The following UXS1 variants were observed in gnomAD, a reference collection of about 807,000 sequenced individuals.
UXS1 encodes the protein UDP-glucuronic acid decarboxylase 1.
A neutral mutation model predicts 62.6 loss-of-function variants in UXS1; 33 were observed. That is an observed-to-expected ratio of 0.53 (90% CI 0.40 to 0.70). The LOEUF (loss-of-function observed/expected upper bound fraction) is 0.70, where lower values mean the gene tolerates loss of function less well. Ranked by LOEUF, UXS1 falls within the 30% of genes least tolerant of loss-of-function variation. UXS1 has a pLI of 0.00. For missense variants in UXS1, 434 were observed against 556.3 expected (o/e 0.78, Z 2.21); for synonymous variants, 213 against 206.8 (o/e 1.03, Z -0.26).
chr2:106,190,866 T>A (rs1376038807), intron 1 of UXS1, among the ~76,000 whole-genome samples: 1 of 150,402 alleles, frequency 6.6e-6, no homozygotes, highest in Non-Finnish European at 1.5e-5. Flanking sequence ...TAAAAAAAAA[T>A]ACGTTAAAGG....
intron 6 of UXS1, among the ~76,000 whole-genome samples, chr2:106,144,263 T>C (rs778931255): frequency 2.8e-4 from 43 of 152,280 alleles, no homozygotes; most frequent in Admixed American, 4.6e-4. Flanking sequence ...ACAGATTACA[T>C]AATTAAACGT....
intron 5 of UXS1, among the ~76,000 whole-genome samples, chr2:106,156,019 T>G (rs967020902): frequency 6.6e-6 from 1 of 151,968 alleles, no homozygotes; most frequent in African/African-American, 2.4e-5. Context: ...GACATCCAAG[T>G]ACAAGCAGCA....
At chr2:106,167,668 G>T (rs1683293164) in intron 1 of UXS1, among the ~76,000 whole-genome samples, 1 of 152,020 alleles carries the variant, frequency 6.6e-6, no homozygotes, top group South Asian at 2.1e-4. Flanking sequence ...GCAGGGAAAT[G>T]GGAGAAATTA....
rs553747842 is a variant in UXS1, at chr2:106,120,712, T to C, written c.759+2258A>G. 2.0e-5 allele frequency among the ~76,000 whole-genome samples: 3 copies of C among 152,310 alleles called. No homozygotes were observed. The South Asian group carries it at 6.2e-4, about 32-fold the overall frequency. On this transcript the variant is annotated intron_variant, in intron 9 of 14. Transcript: ENST00000283148. The stretch of plus-strand genomic sequence containing the variant: ...GAAAGCAGCAAGCGTGGTTCCCACA[T>C]GAAGAACCCACGACACCCCTGTGTG...
chr2:106,130,700 C>T (rs1202826950), intron 6 of UXS1, among the ~76,000 whole-genome samples: 1 of 152,124 alleles, frequency 6.6e-6, no homozygotes, highest in Non-Finnish European at 1.5e-5. Flanking sequence ...TTCCCAGTGC[C>T]GGGAATGGAA....
At chr2:106,118,296 G>A (rs1420640087) in intron 9 of UXS1, among the ~76,000 whole-genome samples, 1 of 152,034 alleles carries the variant, frequency 6.6e-6, no homozygotes, top group African/African-American at 2.4e-5. Context: ...TTTGATGCCA[G>A]GAACTAAAAC....
chr2:106,127,579 C>T (rs770205211), intron 7 of UXS1, among the ~76,000 whole-genome samples: 14 of 152,120 alleles, frequency 9.2e-5, no homozygotes, highest in Non-Finnish European at 1.2e-4. Context: ...CTGGGGGTTA[C>T]GAAAAACTTT....
chr2:106,152,643 G>A (rs1339199360), intron 5 of UXS1, among the ~76,000 whole-genome samples: 2 of 152,062 alleles, frequency 1.3e-5, no homozygotes, highest in Non-Finnish European at 1.5e-5. Flanking sequence ...ATAAAATTAA[G>A]TAAGAACAGC....
At chr2:106,175,952 A>C (rs941734471) in intron 1 of UXS1, among the ~76,000 whole-genome samples, 1 of 152,178 alleles carries the variant, frequency 6.6e-6, no homozygotes, top group Non-Finnish European at 1.5e-5. Context: ...CACCACCTTT[A>C]ATCTATTGAT....
At chr2:106,177,270 A>G (rs931916863) in intron 1 of UXS1, among the ~76,000 whole-genome samples, 8 of 134,104 alleles carry the variant, frequency 6.0e-5, no homozygotes, top group Admixed American at 9.0e-5. Flanking sequence ...ATCTTGGCTC[A>G]CTGTAACCTT....
intron 10 of UXS1, among the ~76,000 whole-genome samples, chr2:106,108,966 A>C (rs770676602): frequency 1.1e-4 from 16 of 145,048 alleles, no homozygotes; most frequent in Admixed American, 3.4e-4. Context: ...ATCACCCTCG[A>C]CATCTGACAT....
At chr2:106,157,986 A>G in intron 5 of UXS1, 72 bp downstream of exon 5, 1 of 1,277,272 alleles carries the variant, frequency 7.8e-7, no homozygotes. Context: ...ATTCTATGAT[A>G]TGTGAATTAT....
intron 10 of UXS1, among the ~76,000 whole-genome samples, chr2:106,109,857 C>T (rs979660637): frequency 1.6e-4 from 24 of 152,160 alleles, no homozygotes; most frequent in African/African-American, 4.3e-4. Context: ...GAGAACGAGA[C>T]GCTGAGCTGT....
chr2:106,124,241 G>C (rs1353753811), intron 8 of UXS1, among the ~76,000 whole-genome samples: 1 of 152,176 alleles, frequency 6.6e-6, no homozygotes, highest in Non-Finnish European at 1.5e-5. Flanking sequence ...AGCTGGGCAA[G>C]CTACCCTCCA....
chr2:106,191,688 C>G (rs988312591), intron 1 of UXS1, among the ~76,000 whole-genome samples: 3 of 152,246 alleles, frequency 2.0e-5, no homozygotes, highest in Admixed American at 2.0e-4. Flanking sequence ...AGAATACTGC[C>G]TGCTCTTGGC....
chr2:106,123,620 G>T (rs568573256), intron 8 of UXS1, among the ~76,000 whole-genome samples: 73 of 152,268 alleles, frequency 4.8e-4, no homozygotes, highest in Non-Finnish European at 8.5e-4. Flanking sequence ...TGGCAAATGG[G>T]TGCCTGTTCT....
At chr2:106,161,312 C>T (rs911130372) in intron 4 of UXS1, among the ~76,000 whole-genome samples, 1 of 152,014 alleles carries the variant, frequency 6.6e-6, no homozygotes, top group Non-Finnish European at 1.5e-5. Context: ...CATTATGTTG[C>T]CCAGGCTGGG....
chr2:106,159,145 C>T (rs1682695676), intron 4 of UXS1: 1 of 152,238 alleles, frequency 6.6e-6, no homozygotes, highest in Admixed American at 6.5e-5. Flanking sequence ...GCTGTAACAC[C>T]TGTTGTTCTC....
chr2:106,118,966 A>C (rs1261190649), intron 9 of UXS1, among the ~76,000 whole-genome samples: 1 of 152,244 alleles, frequency 6.6e-6, no homozygotes, highest in East Asian at 1.9e-4. Context: ...AAAATATGCC[A>C]GACGTACTAT....
Sources: allele counts gnomAD v4.1 joint callset (sites outside exome capture counted in the v4.1 genomes callset), GRCh38; gene constraint gnomAD v4.1.1; transcripts MANE v1.5; gene names NCBI Gene and HGNC (gene_info 2026-07-23, HGNC 2026-07-21).